The following ZIM2 variants were observed in gnomAD, a reference collection of about 807,000 sequenced individuals.
The protein encoded by ZIM2 is zinc finger imprinted 2, also known as zinc finger protein 656.
In ZIM2, 14 loss-of-function variants were observed where a neutral mutation model predicts 38.6. The ratio of observed to expected loss-of-function variants is 0.36; its 90% CI spans 0.24 to 0.57. The LOEUF (loss-of-function observed/expected upper bound fraction) is 0.57. Among genes scored for constraint, ZIM2 ranks in the 20% least tolerant of loss-of-function variants. The pLI is 0.81. For synonymous variants in ZIM2, 247 were observed against 245.8 expected, an observed-to-expected ratio of 1.00 and a Z score of -0.04; for missense variants, 680 against 695.1, an observed-to-expected ratio of 0.98 and a Z score of 0.24.
chr19:56,790,280 T>C (rs1446602203), intron 9 of ZIM2, among the ~76,000 whole-genome samples: 2 of 152,206 alleles, frequency 1.3e-5, no homozygotes, highest in African/African-American at 4.8e-5. Context: ...AAAGCAGAAA[T>C]AATGACAATA....
chr19:56,789,986 C>T, intron 9 of ZIM2, 35 bp from the exon 10 acceptor site: 1 of 1,489,168 alleles, frequency 6.7e-7, no homozygotes, highest in Non-Finnish European at 9.1e-7. Context: ...GGAATTGAGT[C>T]CTGTCTGGTA....
At position 56,814,556 on chromosome 19, in the gene ZIM2, C is replaced by T; in HGVS notation, c.490+3190G>A. 1 of 1,613,798 alleles carries T rather than the reference C, an allele frequency of 6.2e-7. No homozygotes were observed. The highest frequency in any genetic ancestry group is 8.5e-7 in the Non-Finnish European group (1 of 1,179,838). ...TGAACAGTTACGTGATCTGCAAGTTCTGCTGGGTTGACGAAAGATTCTCCA... is the reference window on the plus strand; with the variant it reads ...TGAACAGTTACGTGATCTGCAAGTTTTGCTGGGTTGACGAAAGATTCTCCA... On this transcript the variant is annotated intron_variant, in intron 9 of 12. Coordinates refer to ENST00000629319, the MANE Select transcript of ZIM2 (RefSeq NM_001387356.1). The surrounding 1 kb of genome is among the most constrained non-coding windows in gnomAD (Gnocchi z 5.8).
At chr19:56,802,087 G>C (rs2047553611) in intron 9 of ZIM2, among the ~76,000 whole-genome samples, 1 of 152,174 alleles carries the variant, frequency 6.6e-6, no homozygotes, top group Non-Finnish European at 1.5e-5. Flanking sequence ...CATGTCTGAA[G>C]GGAGGGGGAA....
Position 56,775,297 on chromosome 19 carries a change from G to C in ZIM2, c.1068C>G (p.Asn356Lys). ...CTSPQSASQE[N>K]KHNRCEFCKR... is the part of the protein sequence containing the mutation. ...TGCAAAATTCACATCTGTTGTGTTT[G>C]TTCTCTTGGGATGCTGACTGGGGAC... Residue 356 changes from asparagine to lysine, a missense_variant, in exon 13 of 13, where the codon AAC (asparagine) becomes AAG (lysine). Asn to Lys is a moderately conservative substitution (Grantham distance 94). Transcript: ENST00000629319. 6.2e-7 allele frequency: 1 copy of C among 1,614,158 alleles called. No homozygotes were observed. The highest frequency in any genetic ancestry group is 8.5e-7 in the Non-Finnish European group (1 of 1,180,024).
chr19:56,774,695 T>G lies in ZIM2; in HGVS notation c.1670A>C (p.His557Pro). 1.2e-6 allele frequency: 2 copies of G among 1,613,846 alleles called. No homozygotes were observed. The highest frequency in any genetic ancestry group is 1.7e-6 in the Non-Finnish European group (2 of 1,179,806). The stretch of plus-strand genomic sequence containing the variant: ...GCTGTGACTAAAGGTTTCTCAACAG[T>G]GATCGCACTCAACAGTTTTCTCTTG... ...HSQEKTVECD[H>P]C Residue 557 changes from histidine (H) to proline (P), a missense_variant, in exon 13 of 13, where the codon CAC becomes CCC. By Grantham distance (77) the His-to-Pro change is moderately conservative. Transcript: ENST00000629319.
chr19:56,800,934 CTTTTTTTT>C (rs776316373), intron 9 of ZIM2, among the ~76,000 whole-genome samples: 1 of 135,996 alleles, frequency 7.4e-6, no homozygotes, highest in African/African-American at 2.7e-5. Flanking sequence ...GATGGTATTA[CTTTTTTTT>C]TTTTTTTTTT....
At position 56,789,921 on chromosome 19, in the gene ZIM2, TCTGCAGGGACAGAGTC is replaced by T. The variant is rs771208917; in HGVS notation, c.505_520del (p.Asp169LysfsTer8). On this transcript the variant is annotated frameshift_variant, in exon 10 of 13. Transcript: ENST00000629319. LOFTEE classifies it high-confidence loss of function. ...GTCTAACATCTCTGTGTTCCTCTTT[TCTGCAGGGACAGAGTC>T]CTGAGCAAGGAAACCTAGAAGGGAG... 13 of 1,581,966 alleles carry T rather than the reference TCTGCAGGGACAGAGTC, an allele frequency of 8.2e-6. No individual in the cohort carries two copies. In the East Asian group the frequency reaches 2.9e-4, roughly 36 times the overall value.
intron 9 of ZIM2, chr19:56,816,882 CA>C (rs757748874): frequency 6.2e-7 from 1 of 1,614,176 alleles, no homozygotes; most frequent in African/African-American, 1.3e-5. Flanking sequence ...GATGTTCAGC[CA>C]AGGCGGCACT....
At chr19:56,834,881 T>C (rs2061931758) in intron 2 of ZIM2, among the ~76,000 whole-genome samples, 1 of 152,172 alleles carries the variant, frequency 6.6e-6, no homozygotes, top group South Asian at 2.1e-4. Context: ...GTCATTCACT[T>C]CTGGAGACTC....
intron 9 of ZIM2, chr19:56,815,970 G>A: frequency 1.3e-6 from 2 of 1,588,482 alleles, no homozygotes; most frequent in Middle Eastern, 1.7e-4. Context: ...TTCCTTCAGA[G>A]GTGTTCCCTC....
At chr19:56,813,874 T>C (rs1255100232) in intron 9 of ZIM2, 2 of 1,614,046 alleles carry the variant, frequency 1.2e-6, no homozygotes, top group Non-Finnish European at 1.7e-6. Context: ...AGTTTTCAGG[T>C]GTTCACTGAA....
Position 56,816,223 on chromosome 19 carries a change from G to A in ZIM2, c.490+1523C>T, listed in dbSNP as rs1364840436. ...CTTTTCGTCCTCATCACTTTCAAGAGGTCTTGTTATAGTATGACTCTTCTG... is the reference window on the plus strand; with the variant it reads ...CTTTTCGTCCTCATCACTTTCAAGAAGTCTTGTTATAGTATGACTCTTCTG... On this transcript the variant is annotated intron_variant, in intron 9 of 12. Coordinates refer to ENST00000629319, the MANE Select transcript of ZIM2 (RefSeq NM_001387356.1). 2 of 1,614,122 alleles carry A rather than the reference G, an allele frequency of 1.2e-6. No individual in the cohort carries two copies. Among genetic ancestry groups the A allele is most frequent in the Admixed American group, 3.3e-5 (2 of 60,022 alleles).
chr19:56,835,014 C>G (rs1301390537), intron 2 of ZIM2, among the ~76,000 whole-genome samples: 2 of 152,152 alleles, frequency 1.3e-5, no homozygotes, highest in Non-Finnish European at 1.5e-5. Flanking sequence ...TGTGCCTCCT[C>G]TGAATCAGTC....
rs752290881 is a variant in ZIM2, at chr19:56,774,663, A to C, written c.*25T>G. ...GGAGGAAGCCAATAATGTTGAGAAA[A>C]GTGTGTGCTGTGACTAAAGGTTTCT... On this transcript the variant is annotated 3_prime_UTR_variant, in exon 13 of 13. Transcript: ENST00000629319. 1.9e-6 allele frequency: 3 copies of C among 1,603,326 alleles called. No individual in the cohort carries two copies. In the African/African-American group the frequency reaches 4.0e-5, roughly 21 times the overall value.
chr19:56,817,911 A>G, intron 8 of ZIM2, 73 bp from the exon 9 acceptor site: 2 of 1,185,552 alleles, frequency 1.7e-6, no homozygotes, highest in Non-Finnish European at 2.5e-6. Context: ...ATTGATCTTC[A>G]TCTTTCACTG....
At chr19:56,838,847 C>A (rs2062555635) in intron 1 of ZIM2, among the ~76,000 whole-genome samples, 1 of 152,180 alleles carries the variant, frequency 6.6e-6, no homozygotes, top group South Asian at 2.1e-4. Context: ...AACCGTGGCC[C>A]CGCCCCTCCC....
chr19:56,833,570 C>A (rs1318956798), intron 2 of ZIM2: 1 of 190,782 alleles, frequency 5.2e-6, no homozygotes, highest in Non-Finnish European at 1.1e-5. Context: ...AGCCTGATTC[C>A]TTCTAGGGCA....
Position 56,790,356 on chromosome 19 carries a change from T to TG in ZIM2, c.491-406dup, listed in dbSNP as rs986359364. ...GCAGTTTCAGTTACCCATGGTCAAT[T>TG]GGGGGTCAAAAATATTTAATGGAAA... On this transcript the variant is annotated intron_variant, in intron 9 of 12. Transcript: ENST00000629319. Among the ~76,000 whole-genome samples the TG allele has an allele frequency of 5.9e-5, 9 of 152,328 alleles. No homozygotes were observed. In the East Asian group the frequency reaches 1.2e-3, roughly 20 times the overall value.
intron 9 of ZIM2, among the ~76,000 whole-genome samples, chr19:56,797,099 G>T (rs923968518): frequency 6.6e-6 from 1 of 152,102 alleles, no homozygotes; most frequent in African/African-American, 2.4e-5. Flanking sequence ...ATGACCTGAG[G>T]TCAAGAGTTT....
Sources: gnomAD v4.1 joint callset for allele counts (sites outside exome capture counted in the v4.1 genomes callset) on GRCh38, gnomAD v4.1.1 for gene constraint, Gnocchi (gnomAD v3.1) non-coding constraint, MANE v1.5 for transcripts, NCBI Gene and HGNC (gene_info 2026-07-23, HGNC 2026-07-21) for gene names.